HS6ST1: variants seen among roughly 807,000 people sequenced by gnomAD.
HS6ST1 encodes the protein heparan sulfate 6-O-sulfotransferase 1.
A neutral mutation model predicts 25.2 loss-of-function variants in HS6ST1; 3 were observed. The observed-to-expected ratio is 0.12, with a 90% CI of 0.05 to 0.31. The LOEUF (loss-of-function observed/expected upper bound fraction) is 0.31, where lower values mean the gene tolerates loss of function less well. Ranked by LOEUF, HS6ST1 falls within the 10% of genes least tolerant of loss-of-function variation. The probability of loss-of-function intolerance (pLI) is 1.00; values close to 1 mark genes in which losing one functional copy is unlikely to be tolerated. For synonymous variants in HS6ST1, 204 were observed against 275.1 expected (o/e 0.74, Z 2.56); for missense variants, 310 against 609.6 (o/e 0.51, Z 5.18).
At chr2:128,295,985 C>A (rs1233971995) in intron 1 of HS6ST1, among the ~76,000 whole-genome samples, 5 of 152,174 alleles carry the variant, frequency 3.3e-5, no homozygotes, top group Non-Finnish European at 1.5e-5. Context: ...GTAATTAGGT[C>A]ATGAGGGTGG....
At position 128,268,572 on chromosome 2, in the gene HS6ST1, G is replaced by A; in HGVS notation, c.826C>T (p.Leu276=). 6.2e-7 allele frequency: 1 copy of A among 1,603,232 alleles called. No individual in the cohort carries two copies. The highest frequency in any genetic ancestry group is 1.1e-5 in the South Asian group (1 of 90,258). Residue 276 remains leucine (L), a synonymous_variant, in exon 2 of 2, where the codon CTG becomes TTG. Coordinates refer to ENST00000259241, the MANE Select transcript of HS6ST1 (RefSeq NM_004807.3). The part of the protein sequence containing the change: ...SFIPEGKRAQ[L]LLESAKKNLR... Reference sequence around the variant, plus strand: ...TTCTTCTTGGCGCTCTCGAGCAGCAGCTGGGCCCGCTTGCCCTCGGGGATG... The same window carrying A: ...TTCTTCTTGGCGCTCTCGAGCAGCAACTGGGCCCGCTTGCCCTCGGGGATG...
At chr2:128,293,011 C>G (rs1375348) in intron 1 of HS6ST1, among the ~76,000 whole-genome samples, 104,948 of 152,076 alleles carry the variant, frequency 0.69, 37,537 homozygotes, top group African/African-American at 0.87. Context: ...GGGGTCCTTG[C>G]CGTGGCTGCA....
chr2:128,298,732 T>G (rs1041040820), intron 1 of HS6ST1, among the ~76,000 whole-genome samples: 1 of 152,172 alleles, frequency 6.6e-6, no homozygotes, highest in Non-Finnish European at 1.5e-5. Flanking sequence ...AGACGGATGA[T>G]GGTGATGACT....
At chr2:128,314,686 A>C (rs1177880669) in intron 1 of HS6ST1, among the ~76,000 whole-genome samples, 4 of 152,190 alleles carry the variant, frequency 2.6e-5, no homozygotes, top group Non-Finnish European at 5.9e-5. Context: ...CCAGCAAGGA[A>C]GCACTGGTCT....
chr2:128,278,143 G>A (rs1410255736), intron 1 of HS6ST1, among the ~76,000 whole-genome samples: 2 of 152,266 alleles, frequency 1.3e-5, no homozygotes, highest in Admixed American at 6.5e-5. Flanking sequence ...GCAGGAGGGC[G>A]GGGCAGGCAG....
Position 128,268,690 on chromosome 2 carries a change from C to T in HS6ST1, c.708G>A (p.Gln236=). 1.2e-6 allele frequency: 2 copies of T among 1,611,934 alleles called. No homozygotes were observed. The highest frequency in any genetic ancestry group is 1.3e-5 in the African/African-American group (1 of 75,006). Residue 236 remains glutamine, a synonymous_variant, in exon 2 of 2, where the codon CAG becomes CAA. Coordinates refer to ENST00000259241, the MANE Select transcript of HS6ST1 (RefSeq NM_004807.3). ...EGTDWSGCTL[Q]EFMDCPYNLA... is the part of the protein sequence containing the mutation. ...GGTTGTACGGGCAGTCCATGAACTC[C>T]TGTAGCGTGCAGCCCGACCAGTCCG...
At chr2:128,280,196 G>T (rs1443256729) in intron 1 of HS6ST1, among the ~76,000 whole-genome samples, 1 of 152,248 alleles carries the variant, frequency 6.6e-6, no homozygotes, top group Non-Finnish European at 1.5e-5. Context: ...GTTAGAAAAA[G>T]TGGAAGTCTG....
chr2:128,277,067 C>T (rs997572210), intron 1 of HS6ST1, among the ~76,000 whole-genome samples: 1 of 152,144 alleles, frequency 6.6e-6, no homozygotes, highest in African/African-American at 2.4e-5. Context: ...AACCACAGGT[C>T]CTGCCCGGCC....
chr2:128,285,823 G>A (rs1693852705), intron 1 of HS6ST1, among the ~76,000 whole-genome samples: 1 of 152,224 alleles, frequency 6.6e-6, no homozygotes, highest in African/African-American at 2.4e-5. Flanking sequence ...ACTGGGAGCT[G>A]AGGGCCTCCA....
intron 1 of HS6ST1, among the ~76,000 whole-genome samples, chr2:128,301,927 C>G (rs529283684): frequency 2.6e-5 from 4 of 152,200 alleles, no homozygotes; most frequent in Non-Finnish European, 1.5e-5. Flanking sequence ...CTAGTGGGAA[C>G]AGCTCAGAGG....
At chr2:128,314,831 C>T (rs771296361) in intron 1 of HS6ST1, among the ~76,000 whole-genome samples, 4 of 152,352 alleles carry the variant, frequency 2.6e-5, no homozygotes, top group Middle Eastern at 6.8e-3. Flanking sequence ...AGATGCCCTC[C>T]GTGGCCCCAA....
chr2:128,291,317 G>A lies in HS6ST1; in HGVS notation c.528-22447C>T, dbSNP rs550435067. Reference sequence around the variant, plus strand: ...GGGAGGGCTACTTTTCTTGCCCACTGCCCTTGCCCTGGGTCCAGAGCACCC... The same window carrying A: ...GGGAGGGCTACTTTTCTTGCCCACTACCCTTGCCCTGGGTCCAGAGCACCC... On this transcript the variant is annotated intron_variant, in intron 1 of 1. Coordinates refer to ENST00000259241, the MANE Select transcript of HS6ST1 (RefSeq NM_004807.3). Among the ~76,000 whole-genome samples the A allele has an allele frequency of 5.6e-4, 86 of 152,378 alleles. No individual in the cohort carries two copies. In the Middle Eastern group the frequency reaches 0.02, roughly 36 times the overall value.
intron 1 of HS6ST1, among the ~76,000 whole-genome samples, chr2:128,269,117 A>AG (rs1481423468): frequency 6.6e-6 from 1 of 152,212 alleles, no homozygotes; most frequent in Non-Finnish European, 1.5e-5. Flanking sequence ...GCTCCTCTGG[A>AG]GGGACAACCT....
At chr2:128,298,810 T>C (rs1205735502) in intron 1 of HS6ST1, among the ~76,000 whole-genome samples, 1 of 152,212 alleles carries the variant, frequency 6.6e-6, no homozygotes, top group Non-Finnish European at 1.5e-5. Context: ...GTAAATTTTA[T>C]GTTATGCATA....
At chr2:128,311,138 A>AT (rs536930890) in intron 1 of HS6ST1, among the ~76,000 whole-genome samples, 6 of 152,034 alleles carry the variant, frequency 3.9e-5, no homozygotes, top group Non-Finnish European at 5.9e-5. Flanking sequence ...GTCTAGGACT[A>AT]TTTTTTTCAG....
intron 1 of HS6ST1, among the ~76,000 whole-genome samples, chr2:128,273,910 G>A (rs896449318): frequency 6.6e-6 from 1 of 152,184 alleles, no homozygotes; most frequent in Non-Finnish European, 1.5e-5. Context: ...GAGGTGCCAA[G>A]GGGGCGGCTC....
chr2:128,287,946 T>C (rs937013809), intron 1 of HS6ST1, among the ~76,000 whole-genome samples: 2 of 152,254 alleles, frequency 1.3e-5, no homozygotes, highest in Non-Finnish European at 2.9e-5. Flanking sequence ...TGGCACTTTC[T>C]GGCTTCTGAC....
chr2:128,283,481 T>C (rs1178539779), intron 1 of HS6ST1, among the ~76,000 whole-genome samples: 1 of 152,210 alleles, frequency 6.6e-6, no homozygotes, highest in Non-Finnish European at 1.5e-5. Context: ...TGCTGTGAGA[T>C]GGTCTGCTCC....
chr2:128,268,972 C>T lies in HS6ST1; in HGVS notation c.528-102G>A, dbSNP rs1693569797. 10 of 962,710 alleles carry T rather than the reference C, an allele frequency of 1.0e-5. No individual in the cohort carries two copies. The Middle Eastern group carries it at 7.5e-4, about 72-fold the overall frequency. The allele number at this position is 962,710 out of a possible 1,614,324, so 59.6% of individuals were successfully genotyped here. ...GTCCCCACTACAGGAGTTTGGGCTTCGCCTCTAATGCCAACCAACTCCTGC... is the reference window on the plus strand; with the variant it reads ...GTCCCCACTACAGGAGTTTGGGCTTTGCCTCTAATGCCAACCAACTCCTGC... On this transcript the variant is annotated intron_variant, in intron 1 of 1. Coordinates refer to ENST00000259241, the MANE Select transcript of HS6ST1 (RefSeq NM_004807.3).
Sources: allele counts gnomAD v4.1 joint callset (sites outside exome capture counted in the v4.1 genomes callset), GRCh38; gene constraint gnomAD v4.1.1; transcripts MANE v1.5; gene names NCBI Gene and HGNC (gene_info 2026-07-23, HGNC 2026-07-21).